The following JAKMIP2 variants were observed in gnomAD, a reference collection of about 807,000 sequenced individuals.
JAKMIP2 encodes janus kinase and microtubule interacting protein 2.
Under a neutral mutation model 115.0 loss-of-function variants are expected in JAKMIP2, and 25 were observed. That is an observed-to-expected ratio of 0.22 (90% CI 0.16 to 0.30). JAKMIP2 has a LOEUF of 0.30. Among genes scored for constraint, JAKMIP2 ranks in the 10% least tolerant of loss-of-function variants. The pLI, the probability that JAKMIP2 is intolerant of heterozygous loss-of-function variation, is 1.00. For missense variants in JAKMIP2, 642 were observed against 957.6 expected (o/e 0.67, Z 4.35); for synonymous variants, 334 against 343.6 (o/e 0.97, Z 0.31).
chr5:147,722,044 T>C (rs2126945765), intron 1 of JAKMIP2, among the ~76,000 whole-genome samples: 2 of 152,318 alleles, frequency 1.3e-5, no homozygotes, highest in African/African-American at 4.8e-5. Context: ...CTATTTACTC[T>C]GAGTTTTCAT....
chr5:147,621,045 C>T (rs1756824385), intron 17 of JAKMIP2, among the ~76,000 whole-genome samples: 1 of 152,118 alleles, frequency 6.6e-6, no homozygotes, highest in East Asian at 1.9e-4. Flanking sequence ...AATAATAAGC[C>T]TATCTATGTA....
chr5:147,623,794 G>T lies in JAKMIP2; in HGVS notation c.1996-105C>A, dbSNP rs1266683122. Reference sequence around the variant, plus strand: ...GTCTCCTCCCCTTATATCTCAGGAAGAAGACTGAGAACTGAAGCAAAAACA... The same window carrying T: ...GTCTCCTCCCCTTATATCTCAGGAATAAGACTGAGAACTGAAGCAAAAACA... On this transcript the variant is annotated intron_variant, in intron 16 of 21. Transcript: ENST00000616793. The T allele has an allele frequency of 1.1e-5, 7 of 651,474 alleles. No individual in the cohort carries two copies. In the African/African-American group the frequency reaches 1.1e-4, roughly 11 times the overall value. 40.4% of individuals were successfully genotyped at this position (651,474 alleles called of 1,614,324 possible).
At chr5:147,763,109 T>C (rs1227292925) in intron 1 of JAKMIP2, among the ~76,000 whole-genome samples, 2 of 152,094 alleles carry the variant, frequency 1.3e-5, no homozygotes, top group African/African-American at 4.8e-5. Context: ...CTACTCCAGT[T>C]CCAAACACCA....
intron 21 of JAKMIP2, chr5:147,595,654 G>T: frequency 2.7e-6 from 1 of 366,420 alleles, no homozygotes; most frequent in Non-Finnish European, 5.6e-6. Context: ...CAGAATTGTT[G>T]TAAGTATTAC....
In JAKMIP2 at chr5:147,629,830, C is replaced by T. The variant is rs79283334; in HGVS notation, c.1876-84G>A. 7,941 of 1,017,608 alleles carry T rather than the reference C, an allele frequency of 7.8e-3. 455 individuals are homozygous for T. The East Asian group carries it at 0.14, about 18-fold the overall frequency. The allele number at this position is 1,017,608 out of a possible 1,614,324, so 63.0% of individuals were successfully genotyped here. Reference sequence around the variant, plus strand: ...GCCTGAACATGAAGTTAGAGGAAGACATTTTAGGGCCTGAACTTCCTTGGG... The same window carrying T: ...GCCTGAACATGAAGTTAGAGGAAGATATTTTAGGGCCTGAACTTCCTTGGG... On this transcript the variant is annotated intron_variant, in intron 14 of 21. Coordinates refer to ENST00000616793, the MANE Select transcript of JAKMIP2 (RefSeq NM_001270941.2).
Position 147,770,885 on chromosome 5 carries a change from C to T in JAKMIP2, c.-149+11571G>A, listed in dbSNP as rs182880667. 1.2e-4 allele frequency among the ~76,000 whole-genome samples: 18 copies of T among 152,186 alleles called. No individual in the cohort carries two copies. The East Asian group carries it at 3.5e-3, about 29-fold the overall frequency. ...TCCTGGATTACACTGTAGAAATACA[C>T]AGAACTCACACAAAATCTCTTAATA... On this transcript the variant is annotated intron_variant, in intron 1 of 21. Coordinates refer to ENST00000616793, the MANE Select transcript of JAKMIP2 (RefSeq NM_001270941.2).
At chr5:147,605,307 TC>T (rs1458658038) in intron 20 of JAKMIP2, among the ~76,000 whole-genome samples, 1 of 150,256 alleles carries the variant, frequency 6.7e-6, no homozygotes, top group African/African-American at 2.5e-5. Flanking sequence ...CCTCCCAGGT[TC>T]ATGCCATTCT....
chr5:147,713,492 G>A (rs1435528922), intron 1 of JAKMIP2, among the ~76,000 whole-genome samples: 4 of 152,080 alleles, frequency 2.6e-5, no homozygotes, highest in Non-Finnish European at 5.9e-5. Context: ...TGTAGGAAAT[G>A]ATACAATTTT....
chr5:147,732,879 A>G (rs1485074492), intron 1 of JAKMIP2, among the ~76,000 whole-genome samples: 1 of 152,198 alleles, frequency 6.6e-6, no homozygotes, highest in African/African-American at 2.4e-5. Flanking sequence ...ATGTTCTGAA[A>G]TATCTAACAC....
intron 1 of JAKMIP2, among the ~76,000 whole-genome samples, chr5:147,712,281 C>T (rs915597669): frequency 1.8e-4 from 27 of 152,134 alleles, no homozygotes; most frequent in African/African-American, 5.5e-4. Context: ...CATGGGAGTT[C>T]GTCAGCCCAG....
At chr5:147,672,019 T>TGAGAGTAG in intron 1 of JAKMIP2, 65 bp from the exon 2 acceptor site, 1 of 1,154,138 alleles carries the variant, frequency 8.7e-7, no homozygotes, top group Non-Finnish European at 1.1e-6. Flanking sequence ...CCAGTCAGTC[T>TGAGAGTAG]ACTCTCAGCC....
intron 1 of JAKMIP2, among the ~76,000 whole-genome samples, chr5:147,751,426 G>T (rs1196892518): frequency 2.6e-5 from 4 of 152,018 alleles, no homozygotes; most frequent in Admixed American, 6.6e-5. Context: ...AAGGACTTTT[G>T]TATCTCTTTC....
In JAKMIP2 at chr5:147,702,591, A is replaced by G. The variant is rs1376849073; in HGVS notation, c.-148-30637T>C. ...AAGAAAGAAAGAAGGAAAGAAAGAA[A>G]GAAAGAAAGAAGGAAAGAAAGAAAG... On this transcript the variant is annotated intron_variant, in intron 1 of 21. Transcript: ENST00000616793. 9.4e-4 allele frequency among the ~76,000 whole-genome samples: 107 copies of G among 113,996 alleles called. 1 individual carries two copies. The highest frequency in any genetic ancestry group is 3.3e-3 in the African/African-American group (94 of 28,556). The allele number at this position is 113,996 out of a possible 152,430, so 74.8% of individuals were successfully genotyped here.
At chr5:147,646,979 T>C (rs567498531) in intron 5 of JAKMIP2, among the ~76,000 whole-genome samples, 19 of 152,000 alleles carry the variant, frequency 1.3e-4, no homozygotes, top group African/African-American at 2.2e-4. Context: ...TCAGTAAGAA[T>C]TGAAAAATTT....
rs146723395 is a variant in JAKMIP2 at position 147,675,075 on chromosome 5, A to G, written c.-148-3121T>C. 2.1e-3 allele frequency among the ~76,000 whole-genome samples: 323 copies of G among 152,346 alleles called. 2 individuals carry two copies. Among genetic ancestry groups the G allele is most frequent in the African/African-American group, 7.3e-3 (303 of 41,576 alleles). ...ATTGTAAATAATGACTATGAGTTCT[A>G]CAGAATTGCTTGTAGCAAAAATGTG... is the stretch of plus-strand genomic sequence containing the variant. On this transcript the variant is annotated intron_variant, in intron 1 of 21. Coordinates refer to ENST00000616793, the MANE Select transcript of JAKMIP2 (RefSeq NM_001270941.2).
chr5:147,643,438 G>A (rs540119928), intron 7 of JAKMIP2, among the ~76,000 whole-genome samples: 1 of 152,172 alleles, frequency 6.6e-6, no homozygotes, highest in South Asian at 2.1e-4. Flanking sequence ...AGATGGAGAG[G>A]CAAAGAAGAA....
chr5:147,734,062 AC>A (rs1458358797), intron 1 of JAKMIP2, among the ~76,000 whole-genome samples: 1 of 152,182 alleles, frequency 6.6e-6, no homozygotes, highest in Non-Finnish European at 1.5e-5. Context: ...CAATGGTTGA[AC>A]TAAATTACCC....
Position 147,661,044 on chromosome 5 carries a change from A to T in JAKMIP2, c.531T>A (p.Asp177Glu). ...TCCGAAGGTCCCCAGCCTTGATTTT[A>T]TCTGCTTGGATCATATTGCTCAGAG... ...DEALSNMIQA[D>E]KIKAGDLRSE... Residue 177 changes from aspartate to glutamate, a missense_variant, in exon 3 of 22, where the codon GAT becomes GAA. Around this residue, in one of 6 missense-constraint regions of JAKMIP2, gnomAD observed 439 missense variants for 570.9 expected, o/e 0.77. Coordinates refer to ENST00000616793, the MANE Select transcript of JAKMIP2 (RefSeq NM_001270941.2). The T allele has an allele frequency of 6.2e-7, 1 of 1,613,874 alleles. No homozygotes were observed. Among genetic ancestry groups the T allele is most frequent in the Non-Finnish European group, 8.5e-7 (1 of 1,179,972 alleles).
intron 3 of JAKMIP2, among the ~76,000 whole-genome samples, chr5:147,654,361 C>T (rs1758569711): frequency 4.0e-5 from 6 of 151,824 alleles, no homozygotes; most frequent in Admixed American, 3.9e-4. Context: ...AATGTTTTTC[C>T]ACTTGTTTAT....
Sources: gnomAD v4.1 joint callset for allele counts (sites outside exome capture counted in the v4.1 genomes callset) on GRCh38, gnomAD v4.1.1 for gene constraint, gnomAD v4.1.1 regional missense constraint, MANE v1.5 for transcripts, NCBI Gene and HGNC (gene_info 2026-07-23, HGNC 2026-07-21) for gene names.